BICD2: variants seen among roughly 807,000 people sequenced by gnomAD.
BICD2 encodes the protein BICD cargo adaptor 2.
A neutral mutation model predicts 72.9 loss-of-function variants in BICD2; 25 were observed. The observed-to-expected ratio is 0.34, with a 90% confidence interval of 0.25 to 0.48. The LOEUF (loss-of-function observed/expected upper bound fraction) is 0.48. Ranked by LOEUF, BICD2 falls within the 20% of genes least tolerant of loss-of-function variation. The pLI is 0.99. For missense variants in BICD2, 894 were observed against 1,175.2 expected (o/e 0.76, Z 3.50); for synonymous variants, 501 against 516.1 (o/e 0.97, Z 0.40).
In BICD2 at chr9:92,730,471, G is replaced by A. The variant is rs569895500; in HGVS notation, c.241-1235C>T. Reference sequence around the variant, plus strand: ...ATCAAAACAAAGAGTAACTCATTTCGTCCCAACAGGAGACTGGTAAAAGAA... The same window carrying A: ...ATCAAAACAAAGAGTAACTCATTTCATCCCAACAGGAGACTGGTAAAAGAA... On this transcript the variant is annotated intron_variant, in intron 1 of 6. Coordinates refer to ENST00000356884, the MANE Select transcript of BICD2 (RefSeq NM_001003800.2). 4.6e-5 allele frequency among the ~76,000 whole-genome samples: 7 copies of A among 152,256 alleles called. No homozygotes were observed. In the South Asian group the frequency reaches 1.0e-3, roughly 23 times the overall value.
chr9:92,764,721 C>T lies in BICD2; in HGVS notation c.24G>A (p.Glu8=). The part of the protein sequence containing the change: MSAPSEE[E]EYARLVMEAQ... Reference sequence around the variant, plus strand: ...CCTCCATCACCAGCCGCGCGTACTCCTCCTCCTCCGACGGCGCCGACATGG... The same window carrying T: ...CCTCCATCACCAGCCGCGCGTACTCTTCCTCCTCCGACGGCGCCGACATGG... Residue 8 remains glutamate, a synonymous_variant, in exon 1 of 7, where the codon GAG becomes GAA. Transcript: ENST00000356884. The surrounding 1 kb of genome is among the most constrained non-coding windows in gnomAD (Gnocchi z 5.5). The T allele has an allele frequency of 6.3e-7, 1 of 1,578,590 alleles. No individual in the cohort carries two copies. Among genetic ancestry groups the T allele is most frequent in the Non-Finnish European group, 8.5e-7 (1 of 1,170,286 alleles).
Position 92,751,130 on chromosome 9 carries a change from G to GTTTTT in BICD2, c.240+13370_240+13374dup, listed in dbSNP as rs367971149. Among the ~76,000 whole-genome samples the GTTTTT allele has an allele frequency of 6.1e-5, 9 of 148,054 alleles. 1 individual carries two copies. Among genetic ancestry groups the GTTTTT allele is most frequent in the African/African-American group, 2.2e-4 (9 of 40,748 alleles). On this transcript the variant is annotated intron_variant, in intron 1 of 6. Coordinates refer to ENST00000356884, the MANE Select transcript of BICD2 (RefSeq NM_001003800.2). ...TTCACCATGTTGGCCAGGGTGGTTG[G>GTTTTT]TTTTTTGTTGTTGTTGTTGTTGTTG...
rs1218998294 is a variant in BICD2, at chr9:92,764,025, G to A, written c.240+480C>T. Among the ~76,000 whole-genome samples the A allele has an allele frequency of 1.3e-5, 2 of 152,206 alleles. No individual in the cohort carries two copies. Among genetic ancestry groups the A allele is most frequent in the South Asian group, 2.1e-4 (1 of 4,824 alleles). ...AACGCTCCGAAAGTAGCTGCGCCCA[G>A]AGAGGGGAAGTGCTTTCTCTGAAGG... On this transcript the variant is annotated intron_variant, in intron 1 of 6. Coordinates refer to ENST00000356884, the MANE Select transcript of BICD2 (RefSeq NM_001003800.2). The surrounding 1 kb of genome is among the most constrained non-coding windows in gnomAD (Gnocchi z 5.5).
In BICD2 at chr9:92,740,913, A is replaced by T. The variant is rs180806946; in HGVS notation, c.241-11677T>A. On this transcript the variant is annotated intron_variant, in intron 1 of 6. Coordinates refer to ENST00000356884, the MANE Select transcript of BICD2 (RefSeq NM_001003800.2). ...GCAGGCCTGCCTCACAGGAGAACTG[A>T]CCCAGGGAGTGCATGCCCAGGAGGG... 1.9e-4 allele frequency among the ~76,000 whole-genome samples: 29 copies of T among 152,292 alleles called. 1 individual carries two copies. Among genetic ancestry groups the T allele is most frequent in the Admixed American group, 1.8e-3 (28 of 15,304 alleles).
chr9:92,755,063 C>A (rs1854227370), intron 1 of BICD2, among the ~76,000 whole-genome samples: 1 of 152,216 alleles, frequency 6.6e-6, no homozygotes, highest in Non-Finnish European at 1.5e-5. Flanking sequence ...TCACTGAATT[C>A]TTTTTCTCAG....
intron 1 of BICD2, among the ~76,000 whole-genome samples, chr9:92,743,955 T>C (rs1587684965): frequency 6.6e-6 from 1 of 152,208 alleles, no homozygotes; most frequent in East Asian, 1.9e-4. Flanking sequence ...CTGATCAGAA[T>C]GGCTAGTACA....
At chr9:92,728,426 C>T (rs1238211604) in intron 2 of BICD2, among the ~76,000 whole-genome samples, 1 of 152,226 alleles carries the variant, frequency 6.6e-6, no homozygotes, top group African/African-American at 2.4e-5. Flanking sequence ...CATGGGTACC[C>T]AGGACTCCAA....
intron 1 of BICD2, among the ~76,000 whole-genome samples, chr9:92,731,569 G>A (rs1469873179): frequency 6.6e-6 from 1 of 152,138 alleles, no homozygotes; most frequent in Non-Finnish European, 1.5e-5. Context: ...TAGATAGTGA[G>A]AGACAGGAGG....
chr9:92,726,609 A>G (rs1208408727), intron 2 of BICD2, among the ~76,000 whole-genome samples: 2 of 152,176 alleles, frequency 1.3e-5, no homozygotes, highest in South Asian at 4.1e-4. Flanking sequence ...GAGATGCTCC[A>G]CCCGAACCAG....
rs996576002 is a variant in BICD2, at chr9:92,712,197, T to G, written c.*2957A>C. ...GGTCCATTTGGTTCCCAAAGCACAC[T>G]CAAGGTTTTGTGTTTGCTTTCATTT... On this transcript the variant is annotated 3_prime_UTR_variant, in exon 7 of 7. Coordinates refer to ENST00000356884, the MANE Select transcript of BICD2 (RefSeq NM_001003800.2). 5 of 152,628 alleles carry G rather than the reference T, an allele frequency of 3.3e-5. No homozygotes were observed. The highest frequency in any genetic ancestry group is 2.0e-4 in the Admixed American group (3 of 15,284). 9.5% of individuals were successfully genotyped at this position (152,628 alleles called of 1,614,324 possible).
At chr9:92,753,397 T>C (rs996984870) in intron 1 of BICD2, among the ~76,000 whole-genome samples, 2 of 152,228 alleles carry the variant, frequency 1.3e-5, no homozygotes, top group African/African-American at 4.8e-5. Context: ...CACACTAATG[T>C]ACAATGTTAT....
Position 92,712,654 on chromosome 9 carries a change from A to ATAC in BICD2, c.*2497_*2499dup, listed in dbSNP as rs1853216162. The ATAC allele has an allele frequency of 6.6e-6, 1 of 152,530 alleles. No homozygotes were observed. Among genetic ancestry groups the ATAC allele is most frequent in the Admixed American group, 6.5e-5 (1 of 15,282 alleles). The allele number at this position is 152,530 out of a possible 1,614,324, so 9.4% of individuals were successfully genotyped here. A position where few individuals can be genotyped will look rare whatever the true frequency, so the allele number is the denominator to read the frequency against. ...CAGAAAATTCTGGAATTTGTAGGTA[A>ATAC]TACTACTCATTCAATAATTTATCTT... On this transcript the variant is annotated 3_prime_UTR_variant, in exon 7 of 7. Transcript: ENST00000356884.
Position 92,764,556 on chromosome 9 carries a change from C to A in BICD2, c.189G>T (p.Glu63Asp). The change falls in exon 1 of 7, where the codon GAG becomes GAT. Residue 63 changes from glutamate (E) to aspartate (D), a missense_variant. Around this residue, in one of 5 missense-constraint regions of BICD2, gnomAD observed 192 missense variants for 243.6 expected, o/e 0.79. Transcript: ENST00000356884. The surrounding 1 kb of genome is among the most constrained non-coding windows in gnomAD (Gnocchi z 5.5). Reference protein sequence around the residue: ...EKHQLKLQFEELEVDYEAIRS... With the variant: ...EKHQLKLQFEDLEVDYEAIRS... ...GGATAGCCTCATAGTCCACCTCGAG[C>A]TCCTCGAACTGCAGCTTGAGCTGGT... The A allele has an allele frequency of 6.4e-7, 1 of 1,551,618 alleles. No individual in the cohort carries two copies. Among genetic ancestry groups the A allele is most frequent in the East Asian group, 2.4e-5 (1 of 41,132 alleles).
At position 92,746,196 on chromosome 9, in the gene BICD2, T is replaced by C. The variant is rs144528204; in HGVS notation, c.241-16960A>G. On this transcript the variant is annotated intron_variant, in intron 1 of 6. Transcript: ENST00000356884. Reference sequence around the variant, plus strand: ...CTGCTCGGACATGTTGATATGTGAATACAGTGGGGAGAGGGGCTTGCTGCA... The same window carrying C: ...CTGCTCGGACATGTTGATATGTGAACACAGTGGGGAGAGGGGCTTGCTGCA... 3.9e-5 allele frequency among the ~76,000 whole-genome samples: 6 copies of C among 152,174 alleles called. No homozygotes were observed. In the East Asian group the frequency reaches 1.2e-3, roughly 29 times the overall value.
At chr9:92,728,467 G>C (rs915637245) in intron 2 of BICD2, among the ~76,000 whole-genome samples, 1 of 152,240 alleles carries the variant, frequency 6.6e-6, no homozygotes, top group Non-Finnish European at 1.5e-5. Flanking sequence ...CACCCACCCA[G>C]ACCCTCCCTG....
chr9:92,764,740 G>A lies in BICD2; in HGVS notation c.5C>T (p.Ser2Leu). M[S>L]APSEEEEYAR... ...GTACTCCTCCTCCTCCGACGGCGCC[G>A]ACATGGTGGCCGAGGGCTGAGCCGG... The change falls in exon 1 of 7, where the codon TCG becomes TTG. Residue 2 changes from serine (S) to leucine (L), a missense_variant. Ser to Leu is a moderately radical substitution (Grantham distance 145, BLOSUM62 -2). Coordinates refer to ENST00000356884, the MANE Select transcript of BICD2 (RefSeq NM_001003800.2). This position sits in a 1 kb window ranked among gnomAD's most constrained non-coding sequence, Gnocchi z 5.5. The A allele has an allele frequency of 6.4e-7, 1 of 1,566,754 alleles. No individual in the cohort carries two copies. Among genetic ancestry groups the A allele is most frequent in the South Asian group, 1.2e-5 (1 of 86,342 alleles).
At position 92,712,344 on chromosome 9, in the gene BICD2, T is replaced by G. The variant is rs1853210270; in HGVS notation, c.*2810A>C. ...TGTGAGGAGCACCTGCCTCACCTGCTGTCCACGCTGGCCTTCAGCATGCCC... is the reference window on the plus strand; with the variant it reads ...TGTGAGGAGCACCTGCCTCACCTGCGGTCCACGCTGGCCTTCAGCATGCCC... On this transcript the variant is annotated 3_prime_UTR_variant, in exon 7 of 7. Transcript: ENST00000356884. 1 of 152,746 alleles carries G rather than the reference T, an allele frequency of 6.5e-6. No homozygotes were observed. The highest frequency in any genetic ancestry group is 1.5e-5 in the Non-Finnish European group (1 of 68,086). The allele number at this position is 152,746 out of a possible 1,614,324, so 9.5% of individuals were successfully genotyped here.
At chr9:92,734,562 C>T (rs369741458) in intron 1 of BICD2, among the ~76,000 whole-genome samples, 3 of 151,966 alleles carry the variant, frequency 2.0e-5, no homozygotes, top group African/African-American at 7.2e-5. Flanking sequence ...TCCCCCACCC[C>T]CAACCCAGGA....
At chr9:92,743,346 C>T (rs997801415) in intron 1 of BICD2, among the ~76,000 whole-genome samples, 1 of 149,962 alleles carries the variant, frequency 6.7e-6, no homozygotes, top group Non-Finnish European at 1.5e-5. Flanking sequence ...GCACGTGCCA[C>T]CATGCCAGCT....
Sources: gnomAD v4.1 joint callset for allele counts (sites outside exome capture counted in the v4.1 genomes callset) on GRCh38, gnomAD v4.1.1 for gene constraint, gnomAD v4.1.1 regional missense constraint, Gnocchi (gnomAD v3.1) non-coding constraint, MANE v1.5 for transcripts, NCBI Gene and HGNC (gene_info 2026-07-23, HGNC 2026-07-21) for gene names.